NPHS2: variants seen among roughly 807,000 people sequenced by gnomAD.
NPHS2 encodes podocin.
Under a neutral mutation model 37.1 loss-of-function variants are expected in NPHS2, and 36 were observed. The observed-to-expected ratio is 0.97, with a 90% CI of 0.74 to 1.28. The LOEUF is 1.28. Among genes scored for constraint, NPHS2 ranks in the 50% most tolerant of loss-of-function variants. The probability of loss-of-function intolerance (pLI) is 0.00; values close to 1 mark genes in which losing one functional copy is unlikely to be tolerated. For missense variants in NPHS2, 447 were observed against 488.1 expected, an observed-to-expected ratio of 0.92 and a Z score of 0.79; for synonymous variants, 196 against 189.3, an observed-to-expected ratio of 1.04 and a Z score of -0.29.
intron 1 of NPHS2, among the ~76,000 whole-genome samples, chr1:179,574,054 C>G (rs1034843974): frequency 6.6e-6 from 1 of 152,172 alleles, no homozygotes; most frequent in Non-Finnish European, 1.5e-5. Context: ...ATGTTACTCT[C>G]TGTTCCCCGT....
chr1:179,552,324 T>TTGA (rs1463549384), intron 7 of NPHS2: 1 of 500,068 alleles, frequency 2.0e-6, no homozygotes, highest in African/African-American at 1.9e-5. Context: ...AGAAGAGGGA[T>TTGA]TGATGTGTGT....
intron 1 of NPHS2, among the ~76,000 whole-genome samples, chr1:179,567,065 A>C (rs1009438481): frequency 6.6e-6 from 1 of 152,156 alleles, no homozygotes; most frequent in African/African-American, 2.4e-5. Flanking sequence ...TTTTGGTTCC[A>C]TATGAACTTT....
intron 4 of NPHS2, 59 bp from the exon 5 acceptor site, chr1:179,557,289 G>T (rs551673778): frequency 7.3e-7 from 1 of 1,371,048 alleles, no homozygotes; most frequent in East Asian, 2.3e-5. Flanking sequence ...CCTATGTGGG[G>T]TTAGAGGAAC....
chr1:179,552,883 T>C (rs574426768), intron 6 of NPHS2, among the ~76,000 whole-genome samples: 1 of 152,350 alleles, frequency 6.6e-6, no homozygotes, highest in South Asian at 2.1e-4. Flanking sequence ...TTTTGTATTA[T>C]TGCTGATGCT....
rs139111416 is a variant in NPHS2, at chr1:179,561,293, G to A, written c.447C>T (p.Gly149=). ...LGHLLPGRAK[G]PGLFFFLPCL... ...AAAAAAAGAGTGTTTTTTTACCAGG[G>A]CCTTTGGCTCTTCCAGGAAGCAGAT... Residue 149 remains glycine (G), a synonymous_variant, in exon 3 of 8, where the codon GGC becomes GGT. Transcript: ENST00000367615. The A allele has an allele frequency of 3.4e-3, 5,456 of 1,611,830 alleles. 13 individuals are homozygous for A. Among genetic ancestry groups the A allele is most frequent in the Non-Finnish European group, 4.1e-3 (4,846 of 1,177,966 alleles).
chr1:179,572,804 CTTCT>C (rs34957411), intron 1 of NPHS2, among the ~76,000 whole-genome samples: 10 of 150,002 alleles, frequency 6.7e-5, no homozygotes, highest in East Asian at 5.9e-4. Flanking sequence ...CCCTCCTTCC[CTTCT>C]TTCTTTCTTT....
intron 1 of NPHS2, among the ~76,000 whole-genome samples, chr1:179,570,524 G>A (rs1020792621): frequency 3.9e-5 from 6 of 152,198 alleles, no homozygotes; most frequent in Non-Finnish European, 5.9e-5. Context: ...GCCTTTAAGC[G>A]GTTTTCCTCC....
In NPHS2 at chr1:179,561,368, A is replaced by G; in HGVS notation, c.379-7T>C. On this transcript the variant is annotated splice_region_variant and splice_polypyrimidine_tract_variant and intron_variant, in intron 2 of 7. Transcript: ENST00000367615. ...TTTCATACTCTTGTACAACCTAAAG[A>G]GAAATTTAATCCTTTCAAATCACTC... The G allele has an allele frequency of 6.2e-7, 1 of 1,600,276 alleles. No homozygotes were observed. Among genetic ancestry groups the G allele is most frequent in the Non-Finnish European group, 8.6e-7 (1 of 1,167,356 alleles).
At chr1:179,565,959 T>G (rs1299884969) in intron 1 of NPHS2, among the ~76,000 whole-genome samples, 1 of 152,242 alleles carries the variant, frequency 6.6e-6, no homozygotes, top group African/African-American at 2.4e-5. Context: ...ATTTTCTTAA[T>G]CCAGTCTATT....
chr1:179,564,886 G>A, intron 1 of NPHS2, 93 bp from the exon 2 acceptor site: 3 of 989,608 alleles, frequency 3.0e-6, no homozygotes, highest in Non-Finnish European at 4.7e-6. Context: ...TATTGGAGTT[G>A]GCACAACTTG....
chr1:179,558,245 C>G (rs891787290), intron 4 of NPHS2, among the ~76,000 whole-genome samples: 12 of 89,728 alleles, frequency 1.3e-4, no homozygotes, highest in African/African-American at 5.1e-4. Flanking sequence ...ATTTCTCCTT[C>G]TCTCAACCCC....
intron 1 of NPHS2, among the ~76,000 whole-genome samples, chr1:179,569,423 A>C (rs1156432106): frequency 6.6e-6 from 1 of 151,906 alleles, no homozygotes. Context: ...CTTTATTTTG[A>C]GCCTATGTGA....
Position 179,551,075 on chromosome 1 carries a change from A to C in NPHS2, c.*98T>G, listed in dbSNP as rs1673180061. ...CATTCCATGGCCATTCCATATGGCA[A>C]CCAAAGGAAGGGCAGGGAATGAGGA... On this transcript the variant is annotated 3_prime_UTR_variant, in exon 8 of 8. Coordinates refer to ENST00000367615, the MANE Select transcript of NPHS2 (RefSeq NM_014625.4). 1 of 1,501,038 alleles carries C rather than the reference A, an allele frequency of 6.7e-7. No homozygotes were observed. Among genetic ancestry groups the C allele is most frequent in the African/African-American group, 1.4e-5 (1 of 72,722 alleles). 93.0% of individuals were successfully genotyped at this position (1,501,038 alleles called of 1,614,324 possible).
chr1:179,551,069 A>C lies in NPHS2; in HGVS notation c.*104T>G, dbSNP rs1204284234. 8 of 1,440,276 alleles carry C rather than the reference A, an allele frequency of 5.6e-6. No homozygotes were observed. The highest frequency in any genetic ancestry group is 7.8e-6 in the Non-Finnish European group (8 of 1,031,188). The allele number at this position is 1,440,276 out of a possible 1,614,324, so 89.2% of individuals were successfully genotyped here. The stretch of plus-strand genomic sequence containing the variant: ...TTCGTGCATTCCATGGCCATTCCAT[A>C]TGGCAACCAAAGGAAGGGCAGGGAA... On this transcript the variant is annotated 3_prime_UTR_variant, in exon 8 of 8. Transcript: ENST00000367615.
intron 5 of NPHS2, chr1:179,554,870 G>T: frequency 2.9e-6 from 1 of 349,050 alleles, no homozygotes; most frequent in Non-Finnish European, 5.3e-6. Flanking sequence ...ATATTATCCT[G>T]GATTATCCAG....
chr1:179,566,197 G>T (rs368053076), intron 1 of NPHS2, among the ~76,000 whole-genome samples: 1 of 152,052 alleles, frequency 6.6e-6, no homozygotes, highest in African/African-American at 2.4e-5. Context: ...GTGTAAAAGC[G>T]TTCCTATTTC....
chr1:179,575,752 C>G lies in NPHS2; in HGVS notation c.113G>C (p.Arg38Pro), dbSNP rs762145203. The G allele has an allele frequency of 6.7e-7, 1 of 1,495,710 alleles. No homozygotes were observed. Among genetic ancestry groups the G allele is most frequent in the Non-Finnish European group, 8.9e-7 (1 of 1,127,280 alleles). 92.7% of individuals were successfully genotyped at this position (1,495,710 alleles called of 1,614,324 possible). The part of the protein sequence containing the change: ...KAERSGGGRG[R>P]QEAGPEPSGS... ...CGACGGCTCGGGCCCAGCCTCCTGGCGCCCGCGGCCTCCGCCGCTCCTCTC... is the reference window on the plus strand; with the variant it reads ...CGACGGCTCGGGCCCAGCCTCCTGGGGCCCGCGGCCTCCGCCGCTCCTCTC... The change falls in exon 1 of 8, where the codon CGC becomes CCC. Residue 38 changes from arginine (R) to proline (P), a missense_variant. By Grantham distance (103) the Arg-to-Pro change is moderately radical (BLOSUM62 -2). Coordinates refer to ENST00000367615, the MANE Select transcript of NPHS2 (RefSeq NM_014625.4).
intron 1 of NPHS2, among the ~76,000 whole-genome samples, chr1:179,572,815 C>T (rs1674614393): frequency 1.3e-5 from 2 of 150,292 alleles, no homozygotes; most frequent in African/African-American, 2.5e-5. Context: ...TTCTTTCTTT[C>T]TTTCTTTTCT....
In NPHS2 at chr1:179,559,772, G is replaced by A. The variant is rs1166512303; in HGVS notation, c.452-11C>T. The A allele has an allele frequency of 1.9e-6, 3 of 1,552,010 alleles. No individual in the cohort carries two copies. Among genetic ancestry groups the A allele is most frequent in the Admixed American group, 3.6e-5 (2 of 55,118 alleles). On this transcript the variant is annotated splice_polypyrimidine_tract_variant and intron_variant, in intron 3 of 7. Transcript: ENST00000367615. ...AAAAAAAGAAAAGACCTAAAAGAGAGGAGGAGGAAGTGACAGATAAATAGC... is the reference window on the plus strand; with the variant it reads ...AAAAAAAGAAAAGACCTAAAAGAGAAGAGGAGGAAGTGACAGATAAATAGC...
Sources: gnomAD v4.1 joint callset for allele counts (sites outside exome capture counted in the v4.1 genomes callset) on GRCh38, gnomAD v4.1.1 for gene constraint, MANE v1.5 for transcripts, NCBI Gene and HGNC (gene_info 2026-07-23, HGNC 2026-07-21) for gene names.